The following MPRIP variants were observed in gnomAD, a reference collection of about 807,000 sequenced individuals.
MPRIP encodes myosin phosphatase Rho interacting protein, also known as myosin phosphatase Rho-interacting protein.
A neutral mutation model predicts 234.9 loss-of-function variants in MPRIP; 59 were observed. The observed-to-expected ratio is 0.25, with a 90% CI of 0.20 to 0.31. The LOEUF is 0.31. Ranked by LOEUF, MPRIP falls within the 10% of genes least tolerant of loss-of-function variation. The probability of loss-of-function intolerance (pLI) is 1.00; values close to 1 mark genes in which losing one functional copy is unlikely to be tolerated. For missense variants in MPRIP, 2,436 were observed against 3,071.0 expected, an observed-to-expected ratio of 0.79 and a Z score of 4.89; for synonymous variants, 1,144 against 1,263.9, an observed-to-expected ratio of 0.91 and a Z score of 2.01.
chr17:17,074,981 C>A (rs758391437), intron 1 of MPRIP, among the ~76,000 whole-genome samples: 1 of 152,084 alleles, frequency 6.6e-6, no homozygotes, highest in African/African-American at 2.4e-5. Flanking sequence ...CCCTGTTTTC[C>A]GTTTTCTTGG....
chr17:17,152,347 C>T (rs1264571250), intron 12 of MPRIP, among the ~76,000 whole-genome samples: 3 of 152,250 alleles, frequency 2.0e-5, no homozygotes, highest in Admixed American at 6.5e-5. Context: ...AGGCAGGGCA[C>T]ACCTGAAGTC....
At chr17:17,097,777 G>C (rs940369885) in intron 3 of MPRIP, among the ~76,000 whole-genome samples, 8 of 152,128 alleles carry the variant, frequency 5.3e-5, no homozygotes, top group African/African-American at 1.7e-4. Context: ...AGGCACCCAG[G>C]GTCTCTCACT....
intron 23 of MPRIP, among the ~76,000 whole-genome samples, chr17:17,184,190 G>C (rs1462163847): frequency 6.6e-6 from 1 of 152,234 alleles, no homozygotes; most frequent in Non-Finnish European, 1.5e-5. Flanking sequence ...TTAAGCTTTA[G>C]CAAGATTCCA....
At chr17:17,069,280 A>G (rs1402456525) in intron 1 of MPRIP, among the ~76,000 whole-genome samples, 3 of 152,122 alleles carry the variant, frequency 2.0e-5, no homozygotes, top group African/African-American at 7.2e-5. Context: ...AGGATGTATC[A>G]CTTTTAGTTT....
Position 17,189,236 on chromosome 17 carries a change from T to G in MPRIP, c.*4342T>G, listed in dbSNP as rs745750848. The G allele has an allele frequency of 6.6e-6, 1 of 152,402 alleles. No homozygotes were observed. 9.4% of individuals were successfully genotyped at this position (152,402 alleles called of 1,614,324 possible). A position where few individuals can be genotyped will look rare whatever the true frequency, so the allele number is the denominator to read the frequency against. On this transcript the variant is annotated 3_prime_UTR_variant, in exon 24 of 24. Coordinates refer to ENST00000651222, the MANE Select transcript of MPRIP (RefSeq NM_001364716.4). Reference sequence around the variant, plus strand: ...CAGAGTCTCGCTCTGTTGTCCAGGCTGGAGTGTAGTGGCATGATCTCGGCT... The same window carrying G: ...CAGAGTCTCGCTCTGTTGTCCAGGCGGGAGTGTAGTGGCATGATCTCGGCT...
In MPRIP at chr17:17,186,644, G is replaced by A. The variant is rs58169814; in HGVS notation, c.*1750G>A. On this transcript the variant is annotated 3_prime_UTR_variant, in exon 24 of 24. Transcript: ENST00000651222. ...TGAGGTAGTAGGATTGCTTGAGCCC[G>A]GGAGGTCGAGGCTGCAATCAGTCAT... 13,037 of 152,166 alleles carry A rather than the reference G, an allele frequency of 0.086. 1,796 individuals are homozygous for A. Among genetic ancestry groups the A allele is most frequent in the African/African-American group, 0.29 (12,052 of 41,420 alleles). 9.4% of individuals were successfully genotyped at this position (152,166 alleles called of 1,614,324 possible). A position where few individuals can be genotyped will look rare whatever the true frequency, so the allele number is the denominator to read the frequency against.
intron 3 of MPRIP, among the ~76,000 whole-genome samples, chr17:17,091,707 G>C (rs2089722847): frequency 6.6e-6 from 1 of 152,172 alleles, no homozygotes; most frequent in Non-Finnish European, 1.5e-5. Flanking sequence ...TCTCCCTCAG[G>C]AAAAACCGAG....
intron 3 of MPRIP, among the ~76,000 whole-genome samples, chr17:17,114,418 G>C (rs2090239416): frequency 8.6e-6 from 1 of 116,298 alleles, no homozygotes; most frequent in Non-Finnish European, 1.8e-5. Flanking sequence ...TTTTGATGAA[G>C]TCTAGTTTAT....
intron 1 of MPRIP, among the ~76,000 whole-genome samples, chr17:17,064,568 A>G (rs554027320): frequency 1.3e-5 from 2 of 151,914 alleles, no homozygotes; most frequent in East Asian, 1.9e-4. Context: ...CATCAACCCA[A>G]CCCCAGCCAC....
intron 23 of MPRIP, chr17:17,181,576 G>A (rs943828339): frequency 1.3e-5 from 2 of 152,184 alleles, no homozygotes; most frequent in African/African-American, 4.8e-5. Context: ...TAAACATAAC[G>A]TTTTGTTTAG....
intron 16 of MPRIP, chr17:17,168,767 A>G: frequency 2.3e-6 from 1 of 432,456 alleles, no homozygotes. Flanking sequence ...CCAGTAAATG[A>G]CTAGGATGAC....
At position 17,163,256 on chromosome 17, in the gene MPRIP, G is replaced by A. The variant is rs1055612633; in HGVS notation, c.2518-853G>A. ...TGAGTGTCACATCTGTGGCTTCCCC[G>A]GCCAGCAGACCGAGAGGGAGCCATA... On this transcript the variant is annotated intron_variant, in intron 15 of 23. Transcript: ENST00000651222. Among the ~76,000 whole-genome samples the A allele has an allele frequency of 7.2e-5, 11 of 152,266 alleles. 1 individual carries two copies. The highest frequency in any genetic ancestry group is 5.9e-5 in the Non-Finnish European group (4 of 68,030).
chr17:17,101,466 AGGCTGAG>A (rs1319481436), intron 3 of MPRIP, among the ~76,000 whole-genome samples: 1 of 152,170 alleles, frequency 6.6e-6, no homozygotes, highest in Non-Finnish European at 1.5e-5. Context: ...ACTCAGGCTG[AGGCTGAG>A]GCAGGAGAAT....
At chr17:17,061,104 A>G (rs548112339) in intron 1 of MPRIP, among the ~76,000 whole-genome samples, 100 of 152,190 alleles carry the variant, frequency 6.6e-4, no homozygotes, top group Non-Finnish European at 8.7e-4. Flanking sequence ...AGCTCCGCCA[A>G]GAAGCTTCCC....
intron 3 of MPRIP, among the ~76,000 whole-genome samples, chr17:17,087,119 A>G (rs2089608742): frequency 6.6e-6 from 1 of 152,186 alleles, no homozygotes; most frequent in Non-Finnish European, 1.5e-5. Flanking sequence ...AGCAAAGGTT[A>G]ATCATGGGAC....
intron 1 of MPRIP, among the ~76,000 whole-genome samples, chr17:17,070,797 TATG>T (rs1337367492): frequency 6.6e-6 from 1 of 152,256 alleles, no homozygotes; most frequent in Admixed American, 6.5e-5. Context: ...TGGTTCTTGG[TATG>T]ATGATGATTT....
intron 16 of MPRIP, chr17:17,168,670 A>G (rs1207085028): frequency 1.1e-5 from 4 of 360,434 alleles, no homozygotes; most frequent in African/African-American, 4.3e-5. Flanking sequence ...CACACCCACC[A>G]TGTGTGGCTG....
intron 1 of MPRIP, among the ~76,000 whole-genome samples, chr17:17,072,864 C>G (rs938259659): frequency 6.6e-6 from 1 of 152,146 alleles, no homozygotes; most frequent in Non-Finnish European, 1.5e-5. Context: ...CCAGAGAGTC[C>G]TCTCCACCCC....
At chr17:17,156,774 C>T (rs562835735) in intron 13 of MPRIP, among the ~76,000 whole-genome samples, 1 of 152,226 alleles carries the variant, frequency 6.6e-6, no homozygotes, top group Non-Finnish European at 1.5e-5. Context: ...AGTTCAGTGA[C>T]GTCACAAGAT....
Sources: allele counts gnomAD v4.1 joint callset (sites outside exome capture counted in the v4.1 genomes callset), GRCh38; gene constraint gnomAD v4.1.1; transcripts MANE v1.5; gene names NCBI Gene and HGNC (gene_info 2026-07-23, HGNC 2026-07-21).